The following PAPPA2 variants were observed in gnomAD, a reference collection of about 807,000 sequenced individuals.
The protein encoded by PAPPA2 is pappalysin 2, also known as pappalysin-2.
In PAPPA2, 86 loss-of-function variants were observed where a neutral mutation model predicts 176.4. The ratio of observed to expected loss-of-function variants is 0.49; its 90% CI spans 0.41 to 0.58. PAPPA2 has a LOEUF of 0.58. Among genes scored for constraint, PAPPA2 ranks in the 20% least tolerant of loss-of-function variants. The probability of loss-of-function intolerance (pLI) is 0.00; values close to 1 mark genes in which losing one functional copy is unlikely to be tolerated. For synonymous variants in PAPPA2, 809 were observed against 852.2 expected (o/e 0.95, Z 0.88); for missense variants, 2,073 against 2,256.9 (o/e 0.92, Z 1.65).
At chr1:176,827,185 G>C (rs1328836504) in intron 21 of PAPPA2, among the ~76,000 whole-genome samples, 1 of 151,966 alleles carries the variant, frequency 6.6e-6, no homozygotes, top group East Asian at 1.9e-4. Context: ...ACTCCTACTT[G>C]GTCCTGGCCC....
chr1:176,759,129 G>T (rs6702357), intron 14 of PAPPA2, among the ~76,000 whole-genome samples: 1 of 152,086 alleles, frequency 6.6e-6, no homozygotes, highest in Non-Finnish European at 1.5e-5. Flanking sequence ...CTATACGCTA[G>T]ATAAAAGTTG....
At chr1:176,783,914 C>T (rs757830831) in intron 17 of PAPPA2, among the ~76,000 whole-genome samples, 4 of 152,160 alleles carry the variant, frequency 2.6e-5, no homozygotes, top group Non-Finnish European at 5.9e-5. Flanking sequence ...AGTTTTAATG[C>T]AGTAAGCCTA....
intron 17 of PAPPA2, among the ~76,000 whole-genome samples, chr1:176,774,496 C>T (rs908921452): frequency 1.6e-4 from 24 of 152,282 alleles, no homozygotes; most frequent in African/African-American, 5.1e-4. Flanking sequence ...GACTCCTCAG[C>T]GCCCTTTACC....
At chr1:176,733,411 CTGAG>C (rs1662251199) in intron 12 of PAPPA2, among the ~76,000 whole-genome samples, 1 of 152,122 alleles carries the variant, frequency 6.6e-6, no homozygotes, top group Non-Finnish European at 1.5e-5. Flanking sequence ...CAAAAACTAA[CTGAG>C]TGCGCTGACA....
intron 9 of PAPPA2, among the ~76,000 whole-genome samples, chr1:176,703,225 T>G (rs1392431330): frequency 2.0e-5 from 3 of 152,218 alleles, no homozygotes; most frequent in African/African-American, 4.8e-5. Flanking sequence ...CATGCAACCC[T>G]TAGTAGAACT....
chr1:176,561,064 T>C (rs1308735257), intron 2 of PAPPA2, among the ~76,000 whole-genome samples: 1 of 152,210 alleles, frequency 6.6e-6, no homozygotes, highest in Non-Finnish European at 1.5e-5. Flanking sequence ...CATTAGAGTA[T>C]ATGCTTGTGT....
chr1:176,618,305 G>A (rs1276829535), intron 3 of PAPPA2, among the ~76,000 whole-genome samples: 1 of 152,110 alleles, frequency 6.6e-6, no homozygotes, highest in South Asian at 2.1e-4. Context: ...TTTCCCAGAT[G>A]TGCCACCTAA....
chr1:176,612,611 A>C (rs1191719400), intron 3 of PAPPA2, among the ~76,000 whole-genome samples: 1 of 152,196 alleles, frequency 6.6e-6, no homozygotes, highest in African/African-American at 2.4e-5. Context: ...CAGCTTCTCA[A>C]GAGAACAACT....
At chr1:176,775,027 C>A (rs1016110699) in intron 17 of PAPPA2, among the ~76,000 whole-genome samples, 3 of 152,152 alleles carry the variant, frequency 2.0e-5, no homozygotes, top group African/African-American at 7.2e-5. Flanking sequence ...CTCCTACTCT[C>A]TTATTTTTAG....
chr1:176,723,348 G>T lies in PAPPA2; in HGVS notation c.3798+11367G>T, dbSNP rs547097187. Among the ~76,000 whole-genome samples the T allele has an allele frequency of 3.0e-4, 45 of 152,214 alleles. No homozygotes were observed. The South Asian group carries it at 8.9e-3, about 30-fold the overall frequency. On this transcript the variant is annotated intron_variant, in intron 12 of 22. Transcript: ENST00000367662. ...AACTCATCCAGGAGTAATAGTCTTT[G>T]TATTAGAAAAAATTATTAATATAAT... is the stretch of plus-strand genomic sequence containing the variant.
intron 12 of PAPPA2, among the ~76,000 whole-genome samples, chr1:176,729,611 A>G (rs1468163523): frequency 6.6e-6 from 1 of 152,100 alleles, no homozygotes; most frequent in East Asian, 1.9e-4. Flanking sequence ...CATCGCAATT[A>G]GAAGAACTAG....
At chr1:176,676,448 T>C (rs1343833470) in intron 4 of PAPPA2, among the ~76,000 whole-genome samples, 2 of 151,618 alleles carry the variant, frequency 1.3e-5, no homozygotes, top group African/African-American at 2.4e-5. Flanking sequence ...AAGGGCATTA[T>C]GCTAAGTGAA....
chr1:176,794,057 A>T (rs1460502944), intron 20 of PAPPA2, among the ~76,000 whole-genome samples: 1 of 152,190 alleles, frequency 6.6e-6, no homozygotes, highest in African/African-American at 2.4e-5. Context: ...CTCAAAAAAA[A>T]ATTCAAGTAT....
intron 12 of PAPPA2, among the ~76,000 whole-genome samples, chr1:176,725,655 A>G (rs1661832642): frequency 6.6e-6 from 1 of 152,214 alleles, no homozygotes; most frequent in Non-Finnish European, 1.5e-5. Flanking sequence ...TCTCAGGCTG[A>G]ATTATTTCAT....
intron 1 of PAPPA2, among the ~76,000 whole-genome samples, chr1:176,528,924 T>C (rs1558418828): frequency 6.6e-6 from 1 of 152,332 alleles, no homozygotes; most frequent in East Asian, 1.9e-4. Context: ...TCCTTGATCC[T>C]TCCCTTTTAT....
At chr1:176,712,084 A>G in intron 12 of PAPPA2, 103 bp downstream of exon 12, 1 of 1,393,922 alleles carries the variant, frequency 7.2e-7, no homozygotes, top group Non-Finnish European at 9.6e-7. Context: ...ATGACTTGTC[A>G]GAAAATTTTC....
At chr1:176,538,911 A>G (rs1650222665) in intron 1 of PAPPA2, among the ~76,000 whole-genome samples, 1 of 152,156 alleles carries the variant, frequency 6.6e-6, no homozygotes, top group Non-Finnish European at 1.5e-5. Context: ...GTTTTGGTTA[A>G]AATTATGGCT....
chr1:176,650,102 T>C (rs1468391038), intron 3 of PAPPA2, among the ~76,000 whole-genome samples: 1 of 151,648 alleles, frequency 6.6e-6, no homozygotes, highest in Non-Finnish European at 1.5e-5. Context: ...ATATTTATAA[T>C]CATTATATTA....
chr1:176,590,823 T>C (rs1243133929), intron 2 of PAPPA2, among the ~76,000 whole-genome samples: 1 of 151,968 alleles, frequency 6.6e-6, no homozygotes, highest in Non-Finnish European at 1.5e-5. Flanking sequence ...CCAGCATAGG[T>C]TTTGTAGAAA....
Sources: allele counts gnomAD v4.1 joint callset (sites outside exome capture counted in the v4.1 genomes callset), GRCh38; gene constraint gnomAD v4.1.1; transcripts MANE v1.5; gene names NCBI Gene and HGNC (gene_info 2026-07-23, HGNC 2026-07-21).